TBC1D32: variants seen among roughly 807,000 people sequenced by gnomAD.
TBC1D32 encodes the protein protein broad-minded.
A neutral mutation model predicts 170.3 loss-of-function variants in TBC1D32; 151 were observed. The observed-to-expected ratio is 0.89, with a 90% CI of 0.78 to 1.01. The LOEUF (loss-of-function observed/expected upper bound fraction) is 1.01. Ranked by LOEUF, TBC1D32 falls within the 50% of genes least tolerant of loss-of-function variation. TBC1D32 has a pLI of 0.00. For missense variants in TBC1D32, 1,464 were observed against 1,457.1 expected (o/e 1.00, Z -0.08); for synonymous variants, 498 against 488.0 (o/e 1.02, Z -0.27).
chr6:121,235,933 T>C (rs1003481260), intron 20 of TBC1D32, among the ~76,000 whole-genome samples: 2 of 152,258 alleles, frequency 1.3e-5, no homozygotes, highest in Admixed American at 6.5e-5. Flanking sequence ...CACATAGTTG[T>C]ATCTTCCTTT....
intron 22 of TBC1D32, among the ~76,000 whole-genome samples, chr6:121,190,073 GACAC>G (rs533974518): frequency 0.044 from 2,800 of 63,492 alleles, 56 homozygotes; most frequent in East Asian, 0.11. Flanking sequence ...GCCCAATACA[GACAC>G]ACACACACAC....
intron 24 of TBC1D32, among the ~76,000 whole-genome samples, chr6:121,152,306 TAAG>T (rs1466834760): frequency 6.6e-6 from 1 of 152,200 alleles, no homozygotes; most frequent in Admixed American, 6.5e-5. Context: ...ATTATTTTCT[TAAG>T]AATGTTGAAC....
At chr6:121,179,959 T>C (rs1024445971) in intron 22 of TBC1D32, among the ~76,000 whole-genome samples, 2 of 152,146 alleles carry the variant, frequency 1.3e-5, no homozygotes, top group Non-Finnish European at 1.5e-5. Context: ...TGCTCTTAAC[T>C]GCTCACTGAT....
chr6:121,207,003 A>G (rs1042027885), intron 21 of TBC1D32, among the ~76,000 whole-genome samples: 4 of 152,162 alleles, frequency 2.6e-5, no homozygotes, highest in African/African-American at 9.7e-5. Context: ...CTATTAAATA[A>G]ATAGTCTTTG....
chr6:121,232,149 G>A (rs1583315978), intron 20 of TBC1D32, among the ~76,000 whole-genome samples: 1 of 152,026 alleles, frequency 6.6e-6, no homozygotes, highest in Non-Finnish European at 1.5e-5. Context: ...CATGTGGCTT[G>A]CTAATTACCC....
At chr6:121,150,934 T>C (rs1045316112) in intron 24 of TBC1D32, among the ~76,000 whole-genome samples, 1 of 152,164 alleles carries the variant, frequency 6.6e-6, no homozygotes, top group African/African-American at 2.4e-5. Flanking sequence ...ATCTATTTTG[T>C]TAATCTTTTC....
intron 22 of TBC1D32, among the ~76,000 whole-genome samples, chr6:121,196,773 CTGGGGCAA>C (rs1790793057): frequency 6.6e-6 from 1 of 152,110 alleles, no homozygotes; most frequent in Non-Finnish European, 1.5e-5. Flanking sequence ...CTTTGCAGGG[CTGGGGCAA>C]ATTCTACAGA....
intron 20 of TBC1D32, among the ~76,000 whole-genome samples, chr6:121,227,643 G>A (rs1338719630): frequency 6.6e-6 from 1 of 151,840 alleles, no homozygotes; most frequent in East Asian, 1.9e-4. Flanking sequence ...CCAACTTTAT[G>A]TTCCTGGAAT....
intron 24 of TBC1D32, among the ~76,000 whole-genome samples, chr6:121,157,547 G>A (rs185857917): frequency 6.6e-5 from 10 of 152,110 alleles, no homozygotes; most frequent in East Asian, 5.8e-4. Flanking sequence ...CCTGTCATTC[G>A]GTTGGCAGTT....
chr6:121,146,336 C>T (rs1048546712), intron 24 of TBC1D32, among the ~76,000 whole-genome samples: 2 of 152,100 alleles, frequency 1.3e-5, no homozygotes, highest in Non-Finnish European at 2.9e-5. Flanking sequence ...TGGAATGTAG[C>T]GCACAAATGG....
At position 121,079,667 on chromosome 6, in the gene TBC1D32, T is replaced by C. The variant is rs1412411617; in HGVS notation, c.*1104A>G. ...TCATTGTGAGTTAAGATATAAAAAA[T>C]AGACATTCACATATTGTATTAATCT... On this transcript the variant is annotated 3_prime_UTR_variant, in exon 32 of 32. Coordinates refer to ENST00000398212, the MANE Select transcript of TBC1D32 (RefSeq NM_152730.6). The C allele has an allele frequency of 6.6e-6, 1 of 152,148 alleles. No individual in the cohort carries two copies. The highest frequency in any genetic ancestry group is 1.5e-5 in the Non-Finnish European group (1 of 67,984). The allele number at this position is 152,148 out of a possible 1,614,324, so 9.4% of individuals were successfully genotyped here. A position where few individuals can be genotyped will look rare whatever the true frequency, so the allele number is the denominator to read the frequency against.
chr6:121,298,244 A>G (rs988549323), intron 10 of TBC1D32, among the ~76,000 whole-genome samples: 2 of 152,128 alleles, frequency 1.3e-5, no homozygotes, highest in Non-Finnish European at 2.9e-5. Flanking sequence ...AGTTTGACAT[A>G]CTATATACAT....
At chr6:121,114,888 G>A (rs1342834985) in intron 27 of TBC1D32, among the ~76,000 whole-genome samples, 1 of 152,094 alleles carries the variant, frequency 6.6e-6, no homozygotes, top group Non-Finnish European at 1.5e-5. Context: ...TTACCAACGT[G>A]CTGACTTTTA....
chr6:121,267,919 C>G (rs895264151), intron 15 of TBC1D32, among the ~76,000 whole-genome samples: 1 of 152,084 alleles, frequency 6.6e-6, no homozygotes, highest in Non-Finnish European at 1.5e-5. Context: ...TCCAGTGGAA[C>G]GATCAGGCAG....
chr6:121,208,661 G>GA (rs1177549153), intron 21 of TBC1D32, among the ~76,000 whole-genome samples: 4 of 113,222 alleles, frequency 3.5e-5, no homozygotes, highest in African/African-American at 1.3e-4. Flanking sequence ...AGACAGAGAA[G>GA]AAAAAATAGA....
At chr6:121,137,216 C>G (rs1782191225) in intron 24 of TBC1D32, among the ~76,000 whole-genome samples, 1 of 151,994 alleles carries the variant, frequency 6.6e-6, no homozygotes, top group Non-Finnish European at 1.5e-5. Context: ...TTTAAACTCA[C>G]AATGCTTTAT....
At chr6:121,331,233 GTCTC>G (rs549032094) in intron 1 of TBC1D32, among the ~76,000 whole-genome samples, 1 of 152,142 alleles carries the variant, frequency 6.6e-6, no homozygotes, top group African/African-American at 2.4e-5. Flanking sequence ...TTGAGACGGA[GTCTC>G]TCTCTCTGTC....
intron 17 of TBC1D32, among the ~76,000 whole-genome samples, chr6:121,253,449 T>C (rs1798555242): frequency 6.6e-6 from 1 of 152,196 alleles, no homozygotes; most frequent in African/African-American, 2.4e-5. Context: ...GCCGGCACGG[T>C]GGCTCACGCC....
In TBC1D32 at chr6:121,255,339, T is replaced by C. The variant is rs1261812859; in HGVS notation, c.2007A>G (p.Glu669=). The C allele has an allele frequency of 4.5e-6, 7 of 1,569,242 alleles. No homozygotes were observed. Among genetic ancestry groups the C allele is most frequent in the Non-Finnish European group, 6.1e-6 (7 of 1,155,808 alleles). Residue 669 remains glutamate, a synonymous_variant, in exon 17 of 32, where the codon GAA becomes GAG. Coordinates refer to ENST00000398212, the MANE Select transcript of TBC1D32 (RefSeq NM_152730.6). ...GSDSVSSVSQ[E]SQNIMAWEDN... is the part of the protein sequence containing the mutation. Reference sequence around the variant, plus strand: ...TCAATTGTACTTACATGTTTTGGGATTCCTGGCTTACTGAAGAAACAGAAT... The same window carrying C: ...TCAATTGTACTTACATGTTTTGGGACTCCTGGCTTACTGAAGAAACAGAAT...
Sources: gnomAD v4.1 joint callset for allele counts (sites outside exome capture counted in the v4.1 genomes callset) on GRCh38, gnomAD v4.1.1 for gene constraint, MANE v1.5 for transcripts, NCBI Gene and HGNC (gene_info 2026-07-23, HGNC 2026-07-21) for gene names.